Variants in ZNF475 observed in about 807,000 individuals in gnomAD.
ZNF475 encodes zinc finger protein 475.
the ZNF475 span, among the ~76,000 whole-genome samples, chr5:122,168,651 T>C: frequency 6.6e-6 from 1 of 152,190 alleles, no homozygotes; most frequent in Non-Finnish European, 1.5e-5. Flanking sequence ...AGGCAGAACT[T>C]GCAGTGAGCC....
chr5:122,161,195 A>G, the ZNF475 span, among the ~76,000 whole-genome samples: 31 of 152,214 alleles, frequency 2.0e-4, no homozygotes, highest in Non-Finnish European at 4.1e-4. Flanking sequence ...TGTCTTATAC[A>G]TAGAAAGAAA....
At chr5:122,177,741 A>AT in the ZNF475 span, among the ~76,000 whole-genome samples, 4 of 151,394 alleles carry the variant, frequency 2.6e-5, no homozygotes, top group Non-Finnish European at 5.9e-5. Flanking sequence ...TCTAACAGAC[A>AT]TTTTTTCTTT....
the ZNF475 span, among the ~76,000 whole-genome samples, chr5:122,165,261 T>A: frequency 6.6e-6 from 1 of 152,218 alleles, no homozygotes; most frequent in Non-Finnish European, 1.5e-5. Context: ...AAATGCAGTA[T>A]CAAAATCTAG....
the ZNF475 span, among the ~76,000 whole-genome samples, chr5:122,174,010 T>A: frequency 3.9e-3 from 595 of 152,322 alleles, 6 homozygotes; most frequent in African/African-American, 0.014. Context: ...TTTCCTGGAG[T>A]TGGCTGGTCC....
chr5:122,174,027 G>A, the ZNF475 span, among the ~76,000 whole-genome samples: 1 of 152,176 alleles, frequency 6.6e-6, no homozygotes, highest in South Asian at 2.1e-4. Flanking sequence ...GTCCCGGCAA[G>A]GGCCTCCATA....
chr5:122,171,976 C>T, the ZNF475 span, among the ~76,000 whole-genome samples: 1 of 152,160 alleles, frequency 6.6e-6, no homozygotes, highest in African/African-American at 2.4e-5. Flanking sequence ...AACCCTTCGG[C>T]TCAAGCAATC....
At chr5:122,168,492 C>G in the ZNF475 span, among the ~76,000 whole-genome samples, 1 of 152,144 alleles carries the variant, frequency 6.6e-6, no homozygotes, top group Non-Finnish European at 1.5e-5. Flanking sequence ...GGATGGATCA[C>G]GAGGTCAGGA....
chr5:122,175,384 CT>C, the ZNF475 span, among the ~76,000 whole-genome samples: 25 of 152,106 alleles, frequency 1.6e-4, no homozygotes, highest in African/African-American at 5.8e-4. Flanking sequence ...ACACAATCAG[CT>C]TAATTTATTT....
the ZNF475 span, among the ~76,000 whole-genome samples, chr5:122,174,027 G>C: frequency 5.3e-5 from 8 of 152,294 alleles, no homozygotes; most frequent in Non-Finnish European, 7.4e-5. Context: ...GTCCCGGCAA[G>C]GGCCTCCATA....
chr5:122,164,033 G>C, the ZNF475 span, among the ~76,000 whole-genome samples: 1 of 151,592 alleles, frequency 6.6e-6, no homozygotes, highest in South Asian at 2.1e-4. Context: ...TCAGTCTTTC[G>C]AGTGAAAACA....
At chr5:122,178,245 T>C in the ZNF475 span, among the ~76,000 whole-genome samples, 31 of 152,234 alleles carry the variant, frequency 2.0e-4, 1 homozygote, top group Non-Finnish European at 1.0e-4. Context: ...TTTATAATCC[T>C]TTGGGTATAT....
At chr5:122,171,646 T>A in the ZNF475 span, among the ~76,000 whole-genome samples, 1 of 152,220 alleles carries the variant, frequency 6.6e-6, no homozygotes, top group South Asian at 2.1e-4. Flanking sequence ...ATTGACTGTT[T>A]CACATGAAAA....
chr5:122,179,754 G>C, the ZNF475 span: 1 of 1,464,518 alleles, frequency 6.8e-7, no homozygotes, highest in Non-Finnish European at 9.0e-7. Flanking sequence ...AAAAAGATTT[G>C]AGTGCATAAG....
chr5:122,170,972 G>C, the ZNF475 span, among the ~76,000 whole-genome samples: 1 of 152,312 alleles, frequency 6.6e-6, no homozygotes, highest in Admixed American at 6.5e-5. Flanking sequence ...GAAATTACAA[G>C]GGTTTTGAGA....
At chr5:122,165,580 G>A in the ZNF475 span, among the ~76,000 whole-genome samples, 4 of 152,044 alleles carry the variant, frequency 2.6e-5, no homozygotes, top group African/African-American at 7.2e-5. Context: ...TCCAAGTCAC[G>A]GTTCAGGCTT....
chr5:122,163,906 T>A, the ZNF475 span, among the ~76,000 whole-genome samples: 1 of 152,140 alleles, frequency 6.6e-6, no homozygotes, highest in Non-Finnish European at 1.5e-5. Flanking sequence ...CATGTTTAAA[T>A]TCAAAAAGAG....
chr5:122,179,834 C>A, the ZNF475 span: 1 of 807,640 alleles, frequency 1.2e-6, no homozygotes, highest in Non-Finnish European at 1.8e-6. Flanking sequence ...CGACCAAAAT[C>A]AACAACATTT....
the ZNF475 span, among the ~76,000 whole-genome samples, chr5:122,169,919 T>C: frequency 9.9e-5 from 15 of 152,152 alleles, no homozygotes; most frequent in African/African-American, 3.6e-4. Flanking sequence ...AAAAGCTGGA[T>C]TTAGGATTAT....
the ZNF475 span, chr5:122,179,411 A>G: frequency 7.9e-6 from 3 of 379,100 alleles, no homozygotes; most frequent in African/African-American, 2.1e-5. Flanking sequence ...GTCCTCTCTT[A>G]TTTCCTTGGG....
Sources: gnomAD v4.1 joint callset for allele counts (sites outside exome capture counted in the v4.1 genomes callset) on GRCh38, gnomAD v4.1.1 for gene constraint, MANE v1.5 for transcripts, NCBI Gene and HGNC (gene_info 2026-07-23, HGNC 2026-07-21) for gene names.